Variants in PDCD2 observed in about 807,000 individuals in gnomAD.
The protein encoded by PDCD2 is programmed cell death 2.
Under a neutral mutation model 38.1 loss-of-function variants are expected in PDCD2, and 38 were observed. The observed-to-expected ratio is 1.00, with a 90% CI of 0.77 to 1.31. The LOEUF (loss-of-function observed/expected upper bound fraction) is 1.31. Ranked by LOEUF, PDCD2 falls within the 50% of genes most tolerant of loss-of-function variation. PDCD2 has a pLI of 0.00. For synonymous variants in PDCD2, 205 were observed against 168.9 expected (o/e 1.21, Z -1.66); for missense variants, 473 against 435.7 (o/e 1.09, Z -0.76).
intron 4 of PDCD2, chr6:170,579,292 C>G (rs936609337): frequency 8.5e-6 from 2 of 234,900 alleles, no homozygotes; most frequent in African/African-American, 4.5e-5. Flanking sequence ...GCTCTAATTG[C>G]AGAATTCTGC....
intron 1 of PDCD2, 63 bp downstream of exon 1, chr6:170,584,236 C>A: frequency 7.6e-7 from 1 of 1,317,440 alleles, no homozygotes; most frequent in Non-Finnish European, 9.7e-7. Context: ...TGGTCGCTCC[C>A]GGAATTAACG....
At chr6:170,580,586 G>T (rs533196517) in intron 3 of PDCD2, among the ~76,000 whole-genome samples, 1 of 152,158 alleles carries the variant, frequency 6.6e-6, no homozygotes, top group Non-Finnish European at 1.5e-5. Flanking sequence ...GTGGTGGTAG[G>T]TGCCTGTAAT....
intron 5 of PDCD2, 96 bp downstream of exon 5, chr6:170,578,761 G>T: frequency 1.2e-6 from 1 of 810,422 alleles, no homozygotes. Flanking sequence ...ATACTGCCAT[G>T]TTGACCCATG....
At chr6:170,582,404 T>C in intron 3 of PDCD2, 2 of 1,496,086 alleles carry the variant, frequency 1.3e-6, no homozygotes, top group Non-Finnish European at 1.8e-6. Flanking sequence ...GTTTTGTGTA[T>C]GGCTCAAGGC....
At position 170,575,947 on chromosome 6, in the gene PDCD2, A is replaced by C. The variant is rs1004916896; in HGVS notation, c.*1612T>G. 1.3e-5 allele frequency: 2 copies of C among 152,240 alleles called. No homozygotes were observed. Among genetic ancestry groups the C allele is most frequent in the African/African-American group, 4.8e-5 (2 of 41,460 alleles). The allele number at this position is 152,240 out of a possible 1,614,324, so 9.4% of individuals were successfully genotyped here. ...CATAACGTACTTACAGATTCTGCCT[A>C]TAAGGAATAATACATAATTTTAGAT... On this transcript the variant is annotated 3_prime_UTR_variant, in exon 6 of 6. Coordinates refer to ENST00000541970, the MANE Select transcript of PDCD2 (RefSeq NM_002598.4).
At position 170,578,646 on chromosome 6, in the gene PDCD2, G is replaced by A. The variant is rs938395054; in HGVS notation, c.876+211C>T. 6.4e-5 allele frequency: 45 copies of A among 703,250 alleles called. 1 individual carries two copies. Among genetic ancestry groups the A allele is most frequent in the Non-Finnish European group, 8.8e-5 (34 of 385,024 alleles). The allele number at this position is 703,250 out of a possible 1,614,324, so 43.6% of individuals were successfully genotyped here. On this transcript the variant is annotated intron_variant, in intron 5 of 5. Transcript: ENST00000541970. ...TGTCACAGAAGTCAGTCAATAGACC[G>A]TGTCTGAAAACTAGGAAACAGAAAA...
chr6:170,582,238 C>T, intron 3 of PDCD2: 1 of 1,440,792 alleles, frequency 6.9e-7, no homozygotes. Flanking sequence ...AGCATCTGAC[C>T]ACTGGAGTGT....
Position 170,584,633 on chromosome 6 carries a change from A to G in PDCD2, c.-52T>C. ...AGCCCACAGCTGGGTCGGAAGGCGG[A>G]AATCGGGCGCCGGGCCGGAAGGCAA... is the stretch of plus-strand genomic sequence containing the variant. On this transcript the variant is annotated 5_prime_UTR_variant, in exon 1 of 6. Transcript: ENST00000541970. The G allele has an allele frequency of 2.7e-6, 3 of 1,099,500 alleles. No individual in the cohort carries two copies. Among genetic ancestry groups the G allele is most frequent in the Non-Finnish European group, 3.5e-6 (3 of 863,026 alleles). The allele number at this position is 1,099,500 out of a possible 1,614,324, so 68.1% of individuals were successfully genotyped here.
chr6:170,577,430 T>C lies in PDCD2; in HGVS notation c.*129A>G. On this transcript the variant is annotated 3_prime_UTR_variant, in exon 6 of 6. Coordinates refer to ENST00000541970, the MANE Select transcript of PDCD2 (RefSeq NM_002598.4). ...TTTTGTTTCACTAATAAGTAGACAC[T>C]GTGTAAGCAATCTGTCAACATCTCT... 1.3e-6 allele frequency: 1 copy of C among 765,594 alleles called. No homozygotes were observed. Among genetic ancestry groups the C allele is most frequent in the South Asian group, 1.8e-5 (1 of 54,198 alleles). The allele number at this position is 765,594 out of a possible 1,614,324, so 47.4% of individuals were successfully genotyped here.
chr6:170,579,896 C>T, intron 4 of PDCD2, 106 bp downstream of exon 4: 1 of 671,214 alleles, frequency 1.5e-6, no homozygotes, highest in Non-Finnish European at 2.6e-6. Flanking sequence ...CTTTTATAGG[C>T]TCCTAAGGAA....
chr6:170,580,162 T>C (rs567084496), intron 3 of PDCD2, 57 bp from the exon 4 acceptor site: 85 of 1,031,386 alleles, frequency 8.2e-5, no homozygotes, highest in African/African-American at 7.4e-4. Flanking sequence ...AACTTGACAA[T>C]TCACACATGG....
chr6:170,578,762 T>C (rs1779515523), intron 5 of PDCD2, 95 bp downstream of exon 5: 1 of 813,522 alleles, frequency 1.2e-6, no homozygotes, highest in Non-Finnish European at 2.2e-6. Flanking sequence ...TACTGCCATG[T>C]TGACCCATGT....
In PDCD2 at chr6:170,579,783, C is replaced by T. The variant is rs138452836; in HGVS notation, c.762+219G>A. The T allele has an allele frequency of 4.9e-5, 21 of 431,904 alleles. 1 individual carries two copies. Among genetic ancestry groups the T allele is most frequent in the African/African-American group, 1.8e-4 (9 of 50,672 alleles). The allele number at this position is 431,904 out of a possible 1,614,324, so 26.8% of individuals were successfully genotyped here. The stretch of plus-strand genomic sequence containing the variant: ...GAACCCTGTATGATAAACAGTATAA[C>T]CTTTAGTCTTTTAGTAACTATTAAA... On this transcript the variant is annotated intron_variant, in intron 4 of 5. Transcript: ENST00000541970.
rs773627937 is a variant in PDCD2 at position 170,583,756 on chromosome 6, G to A, written c.284-9C>T. 63 of 1,596,248 alleles carry A rather than the reference G, an allele frequency of 3.9e-5. No homozygotes were observed. Among genetic ancestry groups the A allele is most frequent in the Non-Finnish European group, 5.1e-5 (59 of 1,167,228 alleles). ...TAGTTGATTCCTAAAAACTAAAAAA[G>A]AATACAGAGAAAAGTTTTATCTTCA... On this transcript the variant is annotated splice_polypyrimidine_tract_variant and intron_variant, in intron 1 of 5. Coordinates refer to ENST00000541970, the MANE Select transcript of PDCD2 (RefSeq NM_002598.4).
At chr6:170,581,873 T>C in intron 3 of PDCD2, 1 of 323,012 alleles carries the variant, frequency 3.1e-6, no homozygotes, top group East Asian at 8.6e-5. Flanking sequence ...TGTGGTTATA[T>C]GACTACATCA....
intron 1 of PDCD2, 23 bp downstream of exon 1, chr6:170,584,276 C>CCGA: frequency 2.1e-6 from 3 of 1,403,482 alleles, no homozygotes; most frequent in Non-Finnish European, 2.8e-6. Context: ...ATGGCCCCGT[C>CCGA]CCGACCCCGT....
At chr6:170,583,216 T>A in intron 2 of PDCD2, 28 bp from the exon 3 acceptor site, 1 of 1,447,846 alleles carries the variant, frequency 6.9e-7, no homozygotes, top group Non-Finnish European at 9.6e-7. Context: ...GCACTATTAG[T>A]AATCATTTAG....
At position 170,577,729 on chromosome 6, in the gene PDCD2, G is replaced by A. The variant is rs1346730012; in HGVS notation, c.877-12C>T. 3 of 1,611,588 alleles carry A rather than the reference G, an allele frequency of 1.9e-6. No homozygotes were observed. Among genetic ancestry groups the A allele is most frequent in the Non-Finnish European group, 2.5e-6 (3 of 1,179,656 alleles). On this transcript the variant is annotated splice_polypyrimidine_tract_variant and intron_variant, in intron 5 of 5. Coordinates refer to ENST00000541970, the MANE Select transcript of PDCD2 (RefSeq NM_002598.4). ...AGCTGAGGCATGACCTGAGAAGAGG[G>A]TGACACACAGTTAGAAAGCTGCTTC...
chr6:170,582,173 A>G, intron 3 of PDCD2: 1 of 1,514,254 alleles, frequency 6.6e-7, no homozygotes, highest in Non-Finnish European at 8.9e-7. Flanking sequence ...CTTATCAGTC[A>G]TTATATGGAC....
Sources: gnomAD v4.1 joint callset for allele counts (sites outside exome capture counted in the v4.1 genomes callset) on GRCh38, gnomAD v4.1.1 for gene constraint, MANE v1.5 for transcripts, NCBI Gene and HGNC (gene_info 2026-07-23, HGNC 2026-07-21) for gene names.